The following MALRD1 variants were observed in gnomAD, a reference collection of about 807,000 sequenced individuals.
The protein encoded by MALRD1 is MAM and LDL receptor class A domain containing 1.
A neutral mutation model predicts 242.1 loss-of-function variants in MALRD1; 247 were observed. The ratio of observed to expected loss-of-function variants is 1.02; its 90% CI spans 0.92 to 1.13. MALRD1 has a LOEUF of 1.13. Ranked by LOEUF, MALRD1 falls within the 50% of genes most tolerant of loss-of-function variation. The pLI is 0.00. For synonymous variants in MALRD1, 995 were observed against 866.6 expected (o/e 1.15, Z -2.60); for missense variants, 2,989 against 2,533.1 (o/e 1.18, Z -3.86).
chr10:19,130,636 T>C (rs911803745), intron 8 of MALRD1, among the ~76,000 whole-genome samples: 1 of 152,114 alleles, frequency 6.6e-6, no homozygotes, highest in African/African-American at 2.4e-5. Flanking sequence ...TTTCAATACA[T>C]GTAGAATGGA....
At chr10:19,462,724 A>G (rs1017867022) in intron 29 of MALRD1, among the ~76,000 whole-genome samples, 3 of 152,264 alleles carry the variant, frequency 2.0e-5, no homozygotes, top group Non-Finnish European at 4.4e-5. Context: ...TAAGTTGATT[A>G]TTCTAATAGA....
At chr10:19,648,688 A>T (rs1367484318) in intron 36 of MALRD1, among the ~76,000 whole-genome samples, 2 of 152,040 alleles carry the variant, frequency 1.3e-5, no homozygotes, top group Non-Finnish European at 2.9e-5. Context: ...ATACAAACCA[A>T]CTCCAAAATA....
At chr10:19,258,587 G>A (rs1591338) in intron 19 of MALRD1, among the ~76,000 whole-genome samples, 6,892 of 152,140 alleles carry the variant, frequency 0.045, 192 homozygotes, top group Middle Eastern at 0.078. Context: ...ACTGGTCTGC[G>A]GAGCACCAGC....
At chr10:19,442,300 T>C (rs924888249) in intron 28 of MALRD1, among the ~76,000 whole-genome samples, 3 of 152,132 alleles carry the variant, frequency 2.0e-5, no homozygotes, top group African/African-American at 7.2e-5. Context: ...TTGACTTCCT[T>C]TTTTCCTAAT....
At chr10:19,644,430 G>C (rs901374195) in intron 36 of MALRD1, among the ~76,000 whole-genome samples, 1 of 798 alleles carries the variant, frequency 1.3e-3, no homozygotes, top group South Asian at 0.031. Context: ...AGTCTACTTT[G>C]CTAGAAGAAA....
rs970572178 is a variant in MALRD1 at position 19,498,630 on chromosome 10, C to A, written c.5304C>A (p.Asp1768Glu). 4 of 1,549,854 alleles carry A rather than the reference C, an allele frequency of 2.6e-6. No individual in the cohort carries two copies. In the East Asian group the frequency reaches 7.3e-5, roughly 28 times the overall value. ...TTCCTGCCAAAGCATTAATTCCAGA[C>A]TCTGATCACACGCCAGGTAAATCTA... ...SRIPAKALIP[D>E]SDHTPGSGQH... Residue 1768 changes from aspartate to glutamate, a missense_variant, in exon 31 of 40, where the codon GAC becomes GAA. Coordinates refer to ENST00000454679, the MANE Select transcript of MALRD1 (RefSeq NM_001142308.3).
chr10:19,729,696 G>A (rs573085918), intron 38 of MALRD1, among the ~76,000 whole-genome samples: 10 of 140,602 alleles, frequency 7.1e-5, no homozygotes, highest in East Asian at 6.3e-4. Context: ...CCAGGGCTGC[G>A]TGTCTTCTAA....
intron 36 of MALRD1, among the ~76,000 whole-genome samples, chr10:19,675,263 TAAA>T: frequency 6.6e-6 from 1 of 152,172 alleles, no homozygotes; most frequent in Non-Finnish European, 1.5e-5. Context: ...TGATAATATA[TAAA>T]CTGCCTTTTA....
intron 33 of MALRD1, among the ~76,000 whole-genome samples, chr10:19,574,683 A>G (rs1409363322): frequency 6.6e-6 from 1 of 152,178 alleles, no homozygotes; most frequent in African/African-American, 2.4e-5. Flanking sequence ...AGACCATGTT[A>G]TGTCACCGGG....
intron 26 of MALRD1, among the ~76,000 whole-genome samples, chr10:19,365,741 G>C (rs11009626): frequency 0.15 from 21,922 of 149,110 alleles, 1,629 homozygotes; most frequent in South Asian, 0.16. Context: ...TCTCTGTTGA[G>C]ACTTACTTGG....
chr10:19,207,650 G>A (rs1022592007), intron 17 of MALRD1, among the ~76,000 whole-genome samples: 4 of 152,064 alleles, frequency 2.6e-5, no homozygotes, highest in South Asian at 2.1e-4. Flanking sequence ...GCAGGCGCCC[G>A]CCACCACTCC....
chr10:19,305,624 C>T (rs997533159), intron 21 of MALRD1, among the ~76,000 whole-genome samples: 1 of 150,642 alleles, frequency 6.6e-6, no homozygotes, highest in African/African-American at 2.4e-5. Context: ...CCTATGTCTT[C>T]ATTTCATTGT....
chr10:19,082,799 C>T (rs761302635), intron 2 of MALRD1, among the ~76,000 whole-genome samples: 2 of 151,944 alleles, frequency 1.3e-5, no homozygotes. Context: ...AATTTAGTGA[C>T]TTTACTGAGA....
chr10:19,103,176 C>A (rs1836329842), intron 4 of MALRD1, among the ~76,000 whole-genome samples: 1 of 151,964 alleles, frequency 6.6e-6, no homozygotes, highest in Non-Finnish European at 1.5e-5. Context: ...CAATAAGTCA[C>A]AGAACAATCA....
chr10:19,262,366 G>C (rs1309065214), intron 19 of MALRD1, among the ~76,000 whole-genome samples: 3 of 151,890 alleles, frequency 2.0e-5, no homozygotes, highest in Admixed American at 6.6e-5. Flanking sequence ...TGTGTGGTAA[G>C]AGAACTTGGC....
At position 19,589,221 on chromosome 10, in the gene MALRD1, G is replaced by C. The variant is rs575710289; in HGVS notation, c.5681-5973G>C. On this transcript the variant is annotated intron_variant, in intron 33 of 39. Coordinates refer to ENST00000454679, the MANE Select transcript of MALRD1 (RefSeq NM_001142308.3). The stretch of plus-strand genomic sequence containing the variant: ...TGGGTGGATAGATAGATAGATAGAA[G>C]ATAGATAGCTCAATACCAACATTGG... 1.0e-3 allele frequency among the ~76,000 whole-genome samples: 155 copies of C among 152,190 alleles called. 3 individuals carry two copies. The South Asian group carries it at 0.031, about 31-fold the overall frequency.
At chr10:19,482,238 A>AACT (rs1564378922) in intron 29 of MALRD1, among the ~76,000 whole-genome samples, 1 of 152,080 alleles carries the variant, frequency 6.6e-6, no homozygotes, top group African/African-American at 2.4e-5. Context: ...TACCAGGTCT[A>AACT]ACTAGGGGTT....
At chr10:19,125,318 CTTCCTTCTTTCTTTCTTTCTTTCTTTCT>C (rs1303228735) in intron 7 of MALRD1, among the ~76,000 whole-genome samples, 2 of 80,210 alleles carry the variant, frequency 2.5e-5, no homozygotes, top group Admixed American at 1.2e-4. Context: ...TCCTTCCTTC[CTTCCTTCTTTCTTTCTTTCTTTCTTTCT>C]TTCTTTCTTT....
chr10:19,200,618 CT>C (rs907556471), intron 14 of MALRD1, among the ~76,000 whole-genome samples: 4 of 91,780 alleles, frequency 4.4e-5, no homozygotes, highest in East Asian at 3.8e-4. Flanking sequence ...TGATTCTGGG[CT>C]TTTTTTTTCT....
Sources: gnomAD v4.1 joint callset for allele counts (sites outside exome capture counted in the v4.1 genomes callset) on GRCh38, gnomAD v4.1.1 for gene constraint, MANE v1.5 for transcripts, NCBI Gene and HGNC (gene_info 2026-07-23, HGNC 2026-07-21) for gene names.